FER: variants seen among roughly 807,000 people sequenced by gnomAD.
The protein encoded by FER is FER tyrosine kinase, also known as tyrosine-protein kinase Fer.
A neutral mutation model predicts 111.0 loss-of-function variants in FER; 63 were observed. The ratio of observed to expected loss-of-function variants is 0.57; its 90% confidence interval spans 0.46 to 0.70. The LOEUF is 0.70. FER is among the 30% of genes least tolerant of loss of function. The pLI is 0.00. For missense variants in FER, 914 were observed against 954.0 expected, an observed-to-expected ratio of 0.96 and a Z score of 0.55; for synonymous variants, 327 against 313.9, an observed-to-expected ratio of 1.04 and a Z score of -0.44.
chr5:108,888,878 A>G (rs28536717), intron 9 of FER, among the ~76,000 whole-genome samples: 34,215 of 151,710 alleles, frequency 0.23, 4,048 homozygotes, highest in African/African-American at 0.28. Flanking sequence ...AGGACTAGAG[A>G]CATACACCCC....
chr5:109,159,450 GTTGAATGAATGAATTCAT>G (rs1755761660), intron 17 of FER, among the ~76,000 whole-genome samples: 1 of 151,990 alleles, frequency 6.6e-6, no homozygotes, highest in African/African-American at 2.4e-5. Flanking sequence ...GGATCACTCT[GTTGAATGAATGAATTCAT>G]GCTGATGGCA....
intron 5 of FER, among the ~76,000 whole-genome samples, chr5:108,861,723 T>C (rs1763540064): frequency 6.6e-6 from 1 of 152,200 alleles, no homozygotes; most frequent in Non-Finnish European, 1.5e-5. Context: ...ATCTAAGATA[T>C]TTCGAAGTAA....
At chr5:108,879,537 A>G (rs949633494) in intron 8 of FER, among the ~76,000 whole-genome samples, 1 of 151,468 alleles carries the variant, frequency 6.6e-6, no homozygotes, top group African/African-American at 2.4e-5. Flanking sequence ...AAATTTATGA[A>G]CTATTCTTAC....
At chr5:109,100,591 A>G (rs1281301313) in intron 17 of FER, 72 bp downstream of exon 17, 33 of 1,411,026 alleles carry the variant, frequency 2.3e-5, no homozygotes, top group Non-Finnish European at 3.1e-5. Flanking sequence ...TATTTGCTAC[A>G]ATAGAAGTCA....
At chr5:109,131,971 T>G (rs1752405862) in intron 17 of FER, among the ~76,000 whole-genome samples, 2 of 152,174 alleles carry the variant, frequency 1.3e-5, no homozygotes, top group Admixed American at 1.3e-4. Context: ...CTCAATCTCA[T>G]CTATATGTTA....
intron 5 of FER, among the ~76,000 whole-genome samples, chr5:108,839,240 G>C (rs1051294723): frequency 7.9e-5 from 12 of 152,156 alleles, no homozygotes; most frequent in Non-Finnish European, 1.5e-4. Context: ...AAGAAGAGCT[G>C]ACCAAGAAGA....
intron 13 of FER, among the ~76,000 whole-genome samples, chr5:108,986,792 T>A (rs1262593113): frequency 6.6e-6 from 1 of 152,200 alleles, no homozygotes; most frequent in Non-Finnish European, 1.5e-5. Flanking sequence ...TCTATTCTGT[T>A]CCATTGGTCT....
At chr5:108,998,680 T>G (rs1764328847) in intron 13 of FER, among the ~76,000 whole-genome samples, 1 of 152,198 alleles carries the variant, frequency 6.6e-6, no homozygotes, top group Non-Finnish European at 1.5e-5. Context: ...ATGTTGCATT[T>G]TATCGAAGGC....
At chr5:108,929,787 G>C (rs1003073810) in intron 10 of FER, among the ~76,000 whole-genome samples, 3 of 152,080 alleles carry the variant, frequency 2.0e-5, no homozygotes, top group Non-Finnish European at 2.9e-5. Flanking sequence ...GGGGAAAAAC[G>C]TACAAAATAC....
At chr5:109,008,259 T>C (rs867795938) in intron 13 of FER, among the ~76,000 whole-genome samples, 1 of 152,252 alleles carries the variant, frequency 6.6e-6, no homozygotes, top group African/African-American at 2.4e-5. Context: ...TTATTCTTCC[T>C]GACTACAACT....
chr5:108,918,733 C>T (rs1270263337), intron 10 of FER, among the ~76,000 whole-genome samples: 3 of 151,716 alleles, frequency 2.0e-5, no homozygotes, highest in East Asian at 2.0e-4. Flanking sequence ...ATGATCCGCC[C>T]GCCTCAGCCT....
At position 109,196,616 on chromosome 5, in the gene FER, T is replaced by C. The variant is rs1390283282; in HGVS notation, c.*9041T>C. The C allele has an allele frequency of 6.6e-6, 1 of 152,118 alleles. No homozygotes were observed. The highest frequency in any genetic ancestry group is 2.4e-5 in the African/African-American group (1 of 41,450). The allele number at this position is 152,118 out of a possible 1,614,324, so 9.4% of individuals were successfully genotyped here. A position where few individuals can be genotyped will look rare whatever the true frequency, so the allele number is the denominator to read the frequency against. On this transcript the variant is annotated 3_prime_UTR_variant, in exon 20 of 20. Transcript: ENST00000281092. ...TACTCAGATCTGTATTTAACACTTA[T>C]TTATTTGTTAGTTTTTACATTCAAA...
At chr5:108,851,704 T>C (rs1762558821) in intron 5 of FER, among the ~76,000 whole-genome samples, 1 of 152,236 alleles carries the variant, frequency 6.6e-6, no homozygotes, top group African/African-American at 2.4e-5. Flanking sequence ...CTTAAAGATA[T>C]TCTGAAGTAT....
At chr5:109,067,899 T>C (rs1281254313) in intron 16 of FER, among the ~76,000 whole-genome samples, 1 of 152,162 alleles carries the variant, frequency 6.6e-6, no homozygotes, top group Non-Finnish European at 1.5e-5. Context: ...TCCAGAAGCC[T>C]TTATAATATT....
chr5:109,000,283 T>C (rs1359090119), intron 13 of FER, among the ~76,000 whole-genome samples: 3 of 151,946 alleles, frequency 2.0e-5, no homozygotes, highest in Non-Finnish European at 4.4e-5. Context: ...ATTTGCCACA[T>C]ATTTAAGCAG....
intron 16 of FER, among the ~76,000 whole-genome samples, chr5:109,070,602 G>A (rs1331859799): frequency 1.3e-5 from 2 of 151,896 alleles, no homozygotes; most frequent in Non-Finnish European, 2.9e-5. Context: ...AGTGAATTGC[G>A]AGGTGGACCT....
chr5:108,787,393 G>A (rs550040966), intron 2 of FER, among the ~76,000 whole-genome samples: 11 of 152,288 alleles, frequency 7.2e-5, no homozygotes, highest in African/African-American at 1.7e-4. Context: ...TTTGGGTGCC[G>A]TGGATGGCAT....
intron 3 of FER, among the ~76,000 whole-genome samples, chr5:108,805,184 A>C: frequency 6.6e-6 from 1 of 152,080 alleles, no homozygotes; most frequent in African/African-American, 2.4e-5. Context: ...ATAGTGAATG[A>C]GTCTCATGAG....
At chr5:108,977,363 G>T (rs1179387635) in intron 13 of FER, among the ~76,000 whole-genome samples, 1 of 152,102 alleles carries the variant, frequency 6.6e-6, no homozygotes, top group Non-Finnish European at 1.5e-5. Context: ...ATGGATTCAT[G>T]ACATACCTTT....
Sources: gnomAD v4.1 joint callset for allele counts (sites outside exome capture counted in the v4.1 genomes callset) on GRCh38, gnomAD v4.1.1 for gene constraint, MANE v1.5 for transcripts, NCBI Gene and HGNC (gene_info 2026-07-23, HGNC 2026-07-21) for gene names.